Variants in IQCJ observed in about 807,000 individuals in gnomAD.
The protein encoded by IQCJ is IQ motif containing J.
IQCJ carries 9 observed loss-of-function variants against 11.0 expected under a neutral mutation model. The observed-to-expected ratio is 0.82, with a 90% CI of 0.49 to 1.43. The LOEUF (loss-of-function observed/expected upper bound fraction) is 1.43. Ranked by LOEUF, IQCJ falls within the 40% of genes most tolerant of loss-of-function variation. The probability of loss-of-function intolerance (pLI) is 0.00; values close to 1 mark genes in which losing one functional copy is unlikely to be tolerated. For synonymous variants in IQCJ, 55 were observed against 51.3 expected (o/e 1.07, Z -0.31); for missense variants, 146 against 133.2 (o/e 1.10, Z -0.47).
chr3:159,075,457 G>T (rs868029001), intron 1 of IQCJ, among the ~76,000 whole-genome samples: 5 of 152,210 alleles, frequency 3.3e-5, no homozygotes, highest in African/African-American at 1.2e-4. Context: ...CATATTGTTT[G>T]TTTTGTGACA....
chr3:159,193,318 A>C (rs146660817), intron 1 of IQCJ, among the ~76,000 whole-genome samples: 4 of 152,204 alleles, frequency 2.6e-5, no homozygotes, highest in Non-Finnish European at 4.4e-5. Context: ...CTAGATCCAT[A>C]TATTCTAAGT....
intron 1 of IQCJ, among the ~76,000 whole-genome samples, chr3:159,073,733 C>A (rs1394618668): frequency 6.6e-6 from 1 of 152,090 alleles, no homozygotes; most frequent in African/African-American, 2.4e-5. Context: ...AATTCCAATG[C>A]ATAATACTCT....
chr3:159,075,745 C>T (rs372123968), intron 1 of IQCJ, among the ~76,000 whole-genome samples: 5 of 152,062 alleles, frequency 3.3e-5, no homozygotes, highest in East Asian at 3.9e-4. Context: ...TCTGTATGGA[C>T]GATGTTTAAT....
chr3:159,141,942 G>A (rs1446165123), intron 1 of IQCJ, among the ~76,000 whole-genome samples: 1 of 152,160 alleles, frequency 6.6e-6, no homozygotes, highest in Non-Finnish European at 1.5e-5. Flanking sequence ...ATCAGCTCCA[G>A]TTGTACCTTT....
At chr3:159,226,543 G>T (rs971631305) in intron 1 of IQCJ, among the ~76,000 whole-genome samples, 1 of 152,184 alleles carries the variant, frequency 6.6e-6, no homozygotes, top group Non-Finnish European at 1.5e-5. Flanking sequence ...CTACAGTTAT[G>T]CAAGATGCTA....
chr3:159,198,709 A>C (rs1210245332), intron 1 of IQCJ, among the ~76,000 whole-genome samples: 1 of 152,222 alleles, frequency 6.6e-6, no homozygotes, highest in African/African-American at 2.4e-5. Flanking sequence ...GTATTAGACA[A>C]GATAATCAAG....
At chr3:159,120,414 T>C (rs758107452) in intron 1 of IQCJ, among the ~76,000 whole-genome samples, 5 of 152,184 alleles carry the variant, frequency 3.3e-5, no homozygotes, top group Non-Finnish European at 7.3e-5. Flanking sequence ...AGCTGGAAGA[T>C]GGGAAATAAA....
At chr3:159,111,174 C>T (rs956756131) in intron 1 of IQCJ, among the ~76,000 whole-genome samples, 1 of 152,108 alleles carries the variant, frequency 6.6e-6, no homozygotes, top group Non-Finnish European at 1.5e-5. Flanking sequence ...TAGAACAAAA[C>T]CTTTATGAAT....
intron 1 of IQCJ, among the ~76,000 whole-genome samples, chr3:159,221,035 T>G (rs1455173694): frequency 1.3e-5 from 2 of 152,136 alleles, no homozygotes; most frequent in African/African-American, 4.8e-5. Flanking sequence ...TGACAGCATT[T>G]GAAAAATAGA....
At chr3:159,156,088 G>A (rs1189220813) in intron 1 of IQCJ, among the ~76,000 whole-genome samples, 2 of 152,236 alleles carry the variant, frequency 1.3e-5, no homozygotes, top group Non-Finnish European at 2.9e-5. Context: ...ATATATACAC[G>A]TTTAGCACTC....
At chr3:159,158,579 T>G (rs1473213431) in intron 1 of IQCJ, among the ~76,000 whole-genome samples, 2 of 152,238 alleles carry the variant, frequency 1.3e-5, no homozygotes, top group African/African-American at 4.8e-5. Context: ...GCTTTTAACC[T>G]GGGATTCATG....
chr3:159,257,669 A>G (rs1294940265), intron 3 of IQCJ, among the ~76,000 whole-genome samples: 1 of 152,198 alleles, frequency 6.6e-6, no homozygotes, highest in Non-Finnish European at 1.5e-5. Context: ...TTGTATCAGG[A>G]TACAGGGTTG....
At chr3:159,087,370 T>G (rs1378148434) in intron 1 of IQCJ, among the ~76,000 whole-genome samples, 1 of 148,074 alleles carries the variant, frequency 6.8e-6, no homozygotes, top group African/African-American at 2.5e-5. Flanking sequence ...GATATTGGTC[T>G]AAAATTCTCT....
At chr3:159,217,697 T>C (rs1339849654) in intron 1 of IQCJ, among the ~76,000 whole-genome samples, 3 of 152,174 alleles carry the variant, frequency 2.0e-5, no homozygotes. Context: ...TTTTCTCTTT[T>C]ATGTCTACTC....
At chr3:159,208,254 A>T (rs1234937955) in intron 1 of IQCJ, among the ~76,000 whole-genome samples, 1 of 152,160 alleles carries the variant, frequency 6.6e-6, no homozygotes, top group Non-Finnish European at 1.5e-5. Context: ...CTTTGCTCCC[A>T]ACCTCATCCC....
chr3:159,259,133 C>T (rs1728064209), intron 3 of IQCJ, among the ~76,000 whole-genome samples: 1 of 152,108 alleles, frequency 6.6e-6, no homozygotes, highest in Admixed American at 6.6e-5. Context: ...GGCTGTGAGT[C>T]CCCCAAGTGG....
intron 1 of IQCJ, among the ~76,000 whole-genome samples, chr3:159,191,358 A>G (rs756389958): frequency 6.6e-6 from 1 of 152,108 alleles, no homozygotes; most frequent in African/African-American, 2.4e-5. Context: ...TGGTTTACAG[A>G]CTGAGGACCT....
In IQCJ at chr3:159,263,317, T is replaced by C. The variant is rs116628613; in HGVS notation, c.*586T>C. The C allele has an allele frequency of 3.0e-3, 1,434 of 473,450 alleles. 17 individuals are homozygous for C. The highest frequency in any genetic ancestry group is 0.028 in the African/African-American group (1,338 of 47,356). The allele number at this position is 473,450 out of a possible 1,614,324, so 29.3% of individuals were successfully genotyped here. A position where few individuals can be genotyped will look rare whatever the true frequency, so the allele number is the denominator to read the frequency against. On this transcript the variant is annotated 3_prime_UTR_variant, in exon 4 of 4. Transcript: ENST00000397832. ...GTCAGAAATCTGCATTTTTAAGTGT[T>C]AGCAGCCAGTAAGAAAATTTAAAAG...
At chr3:159,088,661 T>G (rs1262802677) in intron 1 of IQCJ, among the ~76,000 whole-genome samples, 3 of 152,206 alleles carry the variant, frequency 2.0e-5, no homozygotes, top group South Asian at 2.1e-4. Context: ...TTGATCCCTT[T>G]ACCATTATGT....
Sources: gnomAD v4.1 joint callset for allele counts (sites outside exome capture counted in the v4.1 genomes callset) on GRCh38, gnomAD v4.1.1 for gene constraint, MANE v1.5 for transcripts, NCBI Gene and HGNC (gene_info 2026-07-23, HGNC 2026-07-21) for gene names.